C1QTNF3: variants seen among roughly 807,000 people sequenced by gnomAD.
C1QTNF3 encodes the protein complement C1q tumor necrosis factor-related protein 3.
C1QTNF3 carries 26 observed loss-of-function variants against 32.6 expected under a neutral mutation model. The observed-to-expected ratio is 0.80, with a 90% CI of 0.58 to 1.11. The LOEUF is 1.11. Among genes scored for constraint, C1QTNF3 ranks in the 50% least tolerant of loss-of-function variants. The pLI is 0.00. For missense variants in C1QTNF3, 362 were observed against 398.2 expected, an observed-to-expected ratio of 0.91 and a Z score of 0.77; for synonymous variants, 155 against 146.0, an observed-to-expected ratio of 1.06 and a Z score of -0.44.
chr5:34,176,856 C>CATGAATGAATGAATGA, the C1QTNF3 span, among the ~76,000 whole-genome samples: 3,220 of 148,204 alleles, frequency 0.022, 46 homozygotes, highest in Non-Finnish European at 0.025. Context: ...GACCCTATCT[C>CATGAATGAATGAATGA]ATGAATGAAT....
chr5:34,163,053 A>G, the C1QTNF3 span, among the ~76,000 whole-genome samples: 4 of 152,178 alleles, frequency 2.6e-5, no homozygotes, highest in Non-Finnish European at 5.9e-5. Flanking sequence ...TCCACCTTGT[A>G]TGTGCACACA....
chr5:34,237,125 T>C, the C1QTNF3 span, among the ~76,000 whole-genome samples: 1 of 152,156 alleles, frequency 6.6e-6, no homozygotes. Flanking sequence ...ATGAGTAAAT[T>C]GTTGTTTTCA....
At chr5:34,222,921 G>A in the C1QTNF3 span, among the ~76,000 whole-genome samples, 1 of 151,844 alleles carries the variant, frequency 6.6e-6, no homozygotes, top group African/African-American at 2.4e-5. Context: ...TAATGAGATT[G>A]ACTCCCTCCT....
chr5:34,124,370 T>G, the C1QTNF3 span: 11 of 706,020 alleles, frequency 1.6e-5, no homozygotes, highest in African/African-American at 3.5e-5. Flanking sequence ...AGAAGAGATA[T>G]TTAATTGGCT....
At chr5:34,204,514 T>C in the C1QTNF3 span, among the ~76,000 whole-genome samples, 3 of 152,322 alleles carry the variant, frequency 2.0e-5, no homozygotes, top group East Asian at 3.9e-4. Context: ...CTGCATGTTC[T>C]CACTTATAAC....
the C1QTNF3 span, among the ~76,000 whole-genome samples, chr5:34,177,895 T>A: frequency 2.4e-4 from 36 of 151,988 alleles, no homozygotes; most frequent in Non-Finnish European, 4.3e-4. Flanking sequence ...AGGGCTAGCA[T>A]TCCAGGTGTG....
intron 3 of C1QTNF3, among the ~76,000 whole-genome samples, chr5:34,031,071 C>T (rs2112109462): frequency 6.6e-6 from 1 of 151,992 alleles, no homozygotes; most frequent in East Asian, 1.9e-4. Flanking sequence ...CACATGTACC[C>T]CTGAACTTAG....
chr5:34,043,521 C>T (rs1013423886), upstream of C1QTNF3: 2 of 177,702 alleles, frequency 1.1e-5, no homozygotes, highest in African/African-American at 2.4e-5. Context: ...GTCTAAAAAG[C>T]CTTTTGGAAA....
the C1QTNF3 span, among the ~76,000 whole-genome samples, chr5:34,118,627 A>AT: frequency 6.6e-6 from 1 of 151,378 alleles, no homozygotes; most frequent in African/African-American, 2.4e-5. Flanking sequence ...TCTGACATGT[A>AT]TTTTTTTCTA....
Position 34,033,441 on chromosome 5 carries a change from C to T in C1QTNF3, c.433G>A (p.Gly145Ser). 6.2e-7 allele frequency: 1 copy of T among 1,614,152 alleles called. No individual in the cohort carries two copies. The highest frequency in any genetic ancestry group is 8.5e-7 in the Non-Finnish European group (1 of 1,180,018). Residue 145 changes from glycine to serine, a missense_variant, in exon 3 of 6, where the codon GGC becomes AGC. Coordinates refer to ENST00000382065, the MANE Select transcript of C1QTNF3 (RefSeq NM_181435.6). ...PGIPGNHGNN[G>S]NNGATGHEGA... ...TCATGACCAGTGGCTCCATTGTTGC[C>T]ATTGTTTCCATGGTTTCCTTAAACA...
chr5:34,195,668 C>T, the C1QTNF3 span, among the ~76,000 whole-genome samples: 6 of 152,208 alleles, frequency 3.9e-5, no homozygotes, highest in Non-Finnish European at 8.8e-5. Flanking sequence ...GGTAAAACCC[C>T]GTCTCTACTA....
At chr5:34,236,538 C>T in the C1QTNF3 span, among the ~76,000 whole-genome samples, 1 of 118,460 alleles carries the variant, frequency 8.4e-6, no homozygotes. Context: ...TTTATTTAGG[C>T]TTGATTTAGT....
chr5:34,120,773 C>A, the C1QTNF3 span, among the ~76,000 whole-genome samples: 1 of 152,196 alleles, frequency 6.6e-6, no homozygotes, highest in Non-Finnish European at 1.5e-5. Context: ...CCACGTGGAA[C>A]CGTGAGTCCA....
the C1QTNF3 span, among the ~76,000 whole-genome samples, chr5:34,242,250 C>G: frequency 2.0e-5 from 3 of 152,282 alleles, no homozygotes; most frequent in Non-Finnish European, 2.9e-5. Context: ...AGGCATCATA[C>G]TACCCAATTT....
At chr5:34,045,984 T>C (rs1337157615), upstream of C1QTNF3, among the ~76,000 whole-genome samples, 2 of 152,170 alleles carry the variant, frequency 1.3e-5, no homozygotes, top group Non-Finnish European at 2.9e-5. Flanking sequence ...GCCTGAAGAA[T>C]CCCTTAGCAG....
chr5:34,196,718 G>T, the C1QTNF3 span, among the ~76,000 whole-genome samples: 1 of 134,696 alleles, frequency 7.4e-6, no homozygotes, highest in African/African-American at 2.8e-5. Context: ...GGAGTGCAGT[G>T]GCGCCATCTC....
chr5:34,156,688 AGATAT>A, the C1QTNF3 span, among the ~76,000 whole-genome samples: 1 of 152,234 alleles, frequency 6.6e-6, no homozygotes, highest in Non-Finnish European at 1.5e-5. Context: ...AGATGTTACT[AGATAT>A]TATATGTTGT....
the C1QTNF3 span, among the ~76,000 whole-genome samples, chr5:34,221,066 C>T: frequency 6.6e-6 from 1 of 152,080 alleles, no homozygotes; most frequent in Non-Finnish European, 1.5e-5. Context: ...GAAATCTTTT[C>T]TTGAAGAGCG....
the C1QTNF3 span, among the ~76,000 whole-genome samples, chr5:34,182,261 C>T: frequency 1.3e-5 from 2 of 152,280 alleles, no homozygotes; most frequent in African/African-American, 4.8e-5. Context: ...TAAAGTGATC[C>T]GCCCGCGTCA....
Sources: allele counts gnomAD v4.1 joint callset (sites outside exome capture counted in the v4.1 genomes callset), GRCh38; gene constraint gnomAD v4.1.1; transcripts MANE v1.5; gene names NCBI Gene and HGNC (gene_info 2026-07-23, HGNC 2026-07-21).